Variants in FGF14 observed in about 807,000 individuals in gnomAD.
FGF14 encodes fibroblast growth factor 14.
FGF14 carries 5 observed loss-of-function variants against 25.5 expected under a neutral mutation model. That is an observed-to-expected ratio of 0.20 (90% confidence interval 0.10 to 0.41). The LOEUF (loss-of-function observed/expected upper bound fraction) is 0.41. Among genes scored for constraint, FGF14 ranks in the 10% least tolerant of loss-of-function variants. FGF14 has a pLI of 1.00. For missense variants in FGF14, 222 were observed against 320.1 expected (o/e 0.69, Z 2.34); for synonymous variants, 138 against 118.3 (o/e 1.17, Z -1.08).
At chr13:101,723,573 A>G (rs1566818077) in intron 4 of FGF14, among the ~76,000 whole-genome samples, 2 of 152,102 alleles carry the variant, frequency 1.3e-5, no homozygotes, top group African/African-American at 4.8e-5. Context: ...TTCATTTCCT[A>G]CAATCATGGA....
chr13:102,152,907 T>C (rs574878628), intron 1 of FGF14, among the ~76,000 whole-genome samples: 9 of 152,314 alleles, frequency 5.9e-5, no homozygotes, highest in Admixed American at 2.6e-4. Flanking sequence ...AGGTCTGTTT[T>C]TGGCTGCTTG....
At chr13:102,222,776 T>G (rs11069479) in intron 1 of FGF14, among the ~76,000 whole-genome samples, 268 of 152,280 alleles carry the variant, frequency 1.8e-3, no homozygotes, top group African/African-American at 6.1e-3. Flanking sequence ...TCATTCTTCA[T>G]GAACACACAC....
At chr13:102,399,080 A>T (rs1181809955) in intron 1 of FGF14, among the ~76,000 whole-genome samples, 1 of 152,058 alleles carries the variant, frequency 6.6e-6, no homozygotes, top group East Asian at 1.9e-4. Context: ...CTAAAAATAA[A>T]TTGTCATTTG....
At chr13:101,778,041 C>T (rs190045009) in intron 3 of FGF14, among the ~76,000 whole-genome samples, 3 of 152,230 alleles carry the variant, frequency 2.0e-5, no homozygotes, top group East Asian at 1.9e-4. Context: ...AACATATGCT[C>T]GGAAGCACAT....
At chr13:101,760,046 G>A (rs1231764726) in intron 3 of FGF14, among the ~76,000 whole-genome samples, 1 of 152,094 alleles carries the variant, frequency 6.6e-6, no homozygotes, top group African/African-American at 2.4e-5. Flanking sequence ...AAATAGGGGT[G>A]ACTCCAATGG....
chr13:102,111,833 A>G (rs1365916744), intron 1 of FGF14, among the ~76,000 whole-genome samples: 1 of 151,778 alleles, frequency 6.6e-6, no homozygotes, highest in Non-Finnish European at 1.5e-5. Flanking sequence ...CCAGTCCTTC[A>G]GGAGCTTATG....
intron 1 of FGF14, among the ~76,000 whole-genome samples, chr13:102,035,724 A>G (rs1415671087): frequency 1.3e-5 from 2 of 152,206 alleles, no homozygotes; most frequent in Non-Finnish European, 2.9e-5. Flanking sequence ...TAAGGTTTTT[A>G]CTACAGTATC....
chr13:101,924,077 A>G (rs924579534), intron 1 of FGF14, among the ~76,000 whole-genome samples: 2 of 152,128 alleles, frequency 1.3e-5, no homozygotes, highest in African/African-American at 2.4e-5. Flanking sequence ...TAAAATACCA[A>G]GCATTTTAAT....
intron 1 of FGF14, among the ~76,000 whole-genome samples, chr13:102,315,925 A>G (rs2055999322): frequency 6.6e-6 from 1 of 152,224 alleles, no homozygotes; most frequent in Admixed American, 6.5e-5. Flanking sequence ...ACACTCTTTC[A>G]TGAATATACC....
At chr13:101,818,075 A>T (rs2041930554) in intron 3 of FGF14, among the ~76,000 whole-genome samples, 1 of 152,214 alleles carries the variant, frequency 6.6e-6, no homozygotes, top group Admixed American at 6.5e-5. Context: ...GGTCAAGGTG[A>T]CTAAGACACA....
intron 1 of FGF14, among the ~76,000 whole-genome samples, chr13:101,963,743 T>G (rs2037013002): frequency 6.6e-6 from 1 of 152,230 alleles, no homozygotes; most frequent in African/African-American, 2.4e-5. Context: ...ATTACTTTAT[T>G]ATTATCCAAC....
intron 1 of FGF14, chr13:102,002,244 T>C (rs1259035908): frequency 6.6e-6 from 1 of 152,208 alleles, no homozygotes; most frequent in African/African-American, 2.4e-5. Flanking sequence ...CACAGTTAAT[T>C]TCCAATGATG....
At chr13:102,146,372 GA>G (rs1307540220) in intron 1 of FGF14, among the ~76,000 whole-genome samples, 6 of 152,150 alleles carry the variant, frequency 3.9e-5, no homozygotes, top group Non-Finnish European at 8.8e-5. Context: ...AGTATAGCAT[GA>G]CAATGTCATT....
chr13:102,381,386 C>T (rs2058179912), intron 1 of FGF14, among the ~76,000 whole-genome samples: 1 of 152,124 alleles, frequency 6.6e-6, no homozygotes, highest in South Asian at 2.1e-4. Context: ...TGAGGGCTCT[C>T]CCCTCAGGAA....
intron 3 of FGF14, among the ~76,000 whole-genome samples, chr13:101,804,195 C>A (rs2041067020): frequency 6.6e-6 from 1 of 152,040 alleles, no homozygotes; most frequent in Admixed American, 6.6e-5. Context: ...TACTTAGAGA[C>A]CTTAGTGAGA....
intron 1 of FGF14, among the ~76,000 whole-genome samples, chr13:102,258,380 C>G (rs184062249): frequency 3.3e-5 from 5 of 152,084 alleles, no homozygotes; most frequent in Non-Finnish European, 7.4e-5. Context: ...CCATGGAGGT[C>G]GCTTGCCTCC....
Position 101,741,032 on chromosome 13 carries a change from A to G in FGF14, c.409-14222T>C, listed in dbSNP as rs140326054. On this transcript the variant is annotated intron_variant, in intron 3 of 4. Transcript: ENST00000376143. Reference sequence around the variant, plus strand: ...GTGGTTCCCACATCACCACTGAAACATAAGAGGACAATGGCCATGATAGAC... The same window carrying G: ...GTGGTTCCCACATCACCACTGAAACGTAAGAGGACAATGGCCATGATAGAC... Among the ~76,000 whole-genome samples the G allele has an allele frequency of 3.9e-5, 6 of 152,324 alleles. No homozygotes were observed. In the East Asian group the frequency reaches 1.2e-3, roughly 29 times the overall value.
Position 101,715,541 on chromosome 13 carries a change from A to T in FGF14, c.*7290T>A. Reference sequence around the variant, plus strand: ...GGCACATTTTGATCATAATCATGATACCTATATGTATTTTATTGCAGGGAA... The same window carrying T: ...GGCACATTTTGATCATAATCATGATTCCTATATGTATTTTATTGCAGGGAA... On this transcript the variant is annotated 3_prime_UTR_variant, in exon 5 of 5. Coordinates refer to ENST00000376143, the MANE Select transcript of FGF14 (RefSeq NM_004115.4). The T allele has an allele frequency of 6.6e-7, 1 of 1,517,362 alleles. No individual in the cohort carries two copies. The highest frequency in any genetic ancestry group is 9.2e-7 in the Non-Finnish European group (1 of 1,091,926). 94.0% of individuals were successfully genotyped at this position (1,517,362 alleles called of 1,614,324 possible). A position where few individuals can be genotyped will look rare whatever the true frequency, so the allele number is the denominator to read the frequency against.
chr13:101,903,860 C>T (rs2031887183), intron 1 of FGF14, among the ~76,000 whole-genome samples: 1 of 151,448 alleles, frequency 6.6e-6, no homozygotes, highest in South Asian at 2.1e-4. Flanking sequence ...TGTTTGTTTG[C>T]TTGTTTGTAT....
Sources: gnomAD v4.1 joint callset for allele counts (sites outside exome capture counted in the v4.1 genomes callset) on GRCh38, gnomAD v4.1.1 for gene constraint, MANE v1.5 for transcripts, NCBI Gene and HGNC (gene_info 2026-07-23, HGNC 2026-07-21) for gene names.